Variants in SRA1 observed in about 807,000 individuals in gnomAD.
The protein encoded by SRA1 is lncRNA SRA.
SRA1 carries 25 observed loss-of-function variants against 24.3 expected under a neutral mutation model. That is an observed-to-expected ratio of 1.03 (90% confidence interval 0.75 to 1.43). The LOEUF is 1.43. Among genes scored for constraint, SRA1 ranks in the 40% most tolerant of loss-of-function variants. The pLI, the probability that SRA1 is intolerant of heterozygous loss-of-function variation, is 0.00. For missense variants in SRA1, 303 were observed against 286.6 expected, an observed-to-expected ratio of 1.06 and a Z score of -0.41; for synonymous variants, 104 against 109.5, an observed-to-expected ratio of 0.95 and a Z score of 0.31.
At chr5:140,554,852 A>G (rs1754648869) in intron 2 of SRA1, among the ~76,000 whole-genome samples, 1 of 151,524 alleles carries the variant, frequency 6.6e-6, no homozygotes. Flanking sequence ...TATGATCACG[A>G]GTGACTGCTA....
chr5:140,550,931 G>A lies in SRA1; in HGVS notation c.464-20C>T. On this transcript the variant is annotated intron_variant, in intron 4 of 4. Transcript: ENST00000336283. ...AAAGCTCTGAAGAGAGACGGGGGTT[G>A]AGCAAGCAGCCTGTGGTACAAGAGC... The A allele has an allele frequency of 1.2e-6, 2 of 1,611,360 alleles. No homozygotes were observed. The highest frequency in any genetic ancestry group is 1.7e-6 in the Non-Finnish European group (2 of 1,177,756).
At chr5:140,556,862 CAA>C (rs1332962821) in intron 2 of SRA1, among the ~76,000 whole-genome samples, 1 of 151,730 alleles carries the variant, frequency 6.6e-6, no homozygotes, top group Non-Finnish European at 1.5e-5. Flanking sequence ...TATAGGTTAA[CAA>C]AGAAAAATAA....
chr5:140,551,532 A>AGC (rs1754562036), intron 3 of SRA1: 1 of 224,964 alleles, frequency 4.4e-6, no homozygotes, highest in African/African-American at 2.3e-5. Flanking sequence ...AAGAAAACTA[A>AGC]GCGCCAAAGA....
chr5:140,550,722 G>A lies in SRA1; in HGVS notation c.653C>T (p.Pro218Leu), dbSNP rs76646635. Reference protein sequence around the residue: ...AATAEKNHTIPGFQQAS With the variant: ...AATAEKNHTILGFQQAS The stretch of plus-strand genomic sequence containing the variant: ...GGATTATGAAGCCTGCTGGAAGCCT[G>A]GTATGGTATGGTTCTTCTCAGCTGT... Residue 218 changes from proline to leucine, a missense_variant, in exon 5 of 5, where the codon CCA (proline) becomes CTA (leucine). By Grantham distance (98) the Pro-to-Leu change is moderately conservative. Coordinates refer to ENST00000336283, the MANE Select transcript of SRA1 (RefSeq NM_001035235.4). 1,332 of 1,614,026 alleles carry A rather than the reference G, an allele frequency of 8.3e-4. 5 individuals are homozygous for A. In the African/African-American group the frequency reaches 0.016, roughly 19 times the overall value.
At chr5:140,552,506 A>C (rs952710278) in intron 2 of SRA1, among the ~76,000 whole-genome samples, 1 of 152,094 alleles carries the variant, frequency 6.6e-6, no homozygotes, top group Admixed American at 6.5e-5. Context: ...TACAAAAATT[A>C]GCTGGGCATG....
chr5:140,555,611 C>T lies in SRA1; in HGVS notation c.151+1536G>A, dbSNP rs140496969. On this transcript the variant is annotated intron_variant, in intron 2 of 4. Coordinates refer to ENST00000336283, the MANE Select transcript of SRA1 (RefSeq NM_001035235.4). The stretch of plus-strand genomic sequence containing the variant: ...AACCTTGAAATGCTAGAGTGCCCTA[C>T]GGCTCTGTCCCTGGCCATATTCAAG... Among the ~76,000 whole-genome samples, 696 of 152,258 alleles carry T rather than the reference C, an allele frequency of 4.6e-3. 1 individual carries two copies. Among genetic ancestry groups the T allele is most frequent in the Non-Finnish European group, 7.3e-3 (499 of 68,016 alleles).
At chr5:140,555,433 A>G (rs1379195513) in intron 2 of SRA1, among the ~76,000 whole-genome samples, 1 of 151,978 alleles carries the variant, frequency 6.6e-6, no homozygotes, top group Non-Finnish European at 1.5e-5. Flanking sequence ...GCGTTTCGCC[A>G]TGTTGGCCAG....
At position 140,550,538 on chromosome 5, in the gene SRA1, T is replaced by C; in HGVS notation, c.*162A>G. 1 of 670,730 alleles carries C rather than the reference T, an allele frequency of 1.5e-6. No homozygotes were observed. Among genetic ancestry groups the C allele is most frequent in the Non-Finnish European group, 2.7e-6 (1 of 376,522 alleles). 41.5% of individuals were successfully genotyped at this position (670,730 alleles called of 1,614,324 possible). A position where few individuals can be genotyped will look rare whatever the true frequency, so the allele number is the denominator to read the frequency against. ...GAGATGTTTTTATTGAAATGCATGTTATGAGTAACACATGAACTCCCTCTG... is the reference window on the plus strand; with the variant it reads ...GAGATGTTTTTATTGAAATGCATGTCATGAGTAACACATGAACTCCCTCTG... On this transcript the variant is annotated 3_prime_UTR_variant, in exon 5 of 5. Transcript: ENST00000336283.
intron 2 of SRA1, 136 bp downstream of exon 2, chr5:140,557,011 G>A: frequency 2.7e-6 from 2 of 743,918 alleles, no homozygotes; most frequent in South Asian, 3.5e-5. Context: ...CCTGCTCTGA[G>A]ACCCTTACTG....
At chr5:140,552,767 CA>C (rs1346819126) in intron 2 of SRA1, among the ~76,000 whole-genome samples, 1 of 151,944 alleles carries the variant, frequency 6.6e-6, no homozygotes, top group South Asian at 2.1e-4. Context: ...CTCAGGAGTT[CA>C]AAACCAGCCT....
In SRA1 at chr5:140,552,158, G is replaced by C; in HGVS notation, c.178C>G (p.Pro60Ala). ...RVPASETSPGPPPMGPPPPSS... is the reference protein window; with the variant it reads ...RVPASETSPGAPPMGPPPPSS... Reference sequence around the variant, plus strand: ...GGAGGTGGAGGCCCCATTGGGGGAGGCCCAGGAGAAGTCTCTGATGCGGGG... The same window carrying C: ...GGAGGTGGAGGCCCCATTGGGGGAGCCCCAGGAGAAGTCTCTGATGCGGGG... The change falls in exon 3 of 5, where the codon CCT (proline) becomes GCT (alanine). Residue 60 changes from proline (P) to alanine (A), a missense_variant. Physicochemically the swap from Pro to Ala is conservative, Grantham distance 27. Transcript: ENST00000336283. The C allele has an allele frequency of 6.2e-7, 1 of 1,605,306 alleles. No individual in the cohort carries two copies. Among genetic ancestry groups the C allele is most frequent in the South Asian group, 1.1e-5 (1 of 89,868 alleles).
rs115569414 is a variant in SRA1 at position 140,552,022 on chromosome 5, G to A, written c.314C>T (p.Pro105Leu). 392 of 1,604,598 alleles carry A rather than the reference G, an allele frequency of 2.4e-4. No homozygotes were observed. The African/African-American group carries it at 5.0e-3, about 20-fold the overall frequency. The change falls in exon 3 of 5, where the codon CCT (proline) becomes CTT (leucine). Residue 105 changes from proline (P) to leucine (L), a missense_variant. Pro to Leu is a moderately conservative substitution (Grantham distance 98). Coordinates refer to ENST00000336283, the MANE Select transcript of SRA1 (RefSeq NM_001035235.4). ...GCAGTCTTCCAATGCCTGTTCCAAA[G>A]GTCTCAGCACATCCTCCATCACAGC... ...SEAVMEDVLR[P>L]LEQALEDCRG... is the part of the protein sequence containing the mutation.
At chr5:140,557,919 C>A (rs144403011), upstream of SRA1, 1,137 of 195,384 alleles carry the variant, frequency 5.8e-3, 16 homozygotes, top group African/African-American at 0.025. Context: ...ATGTCTCAGG[C>A]CAGGTTAAGT....
In SRA1 at chr5:140,550,870, G is replaced by C. The variant is rs769561984; in HGVS notation, c.505C>G (p.Arg169Gly). The C allele has an allele frequency of 6.2e-7, 1 of 1,613,974 alleles. No individual in the cohort carries two copies. Among genetic ancestry groups the C allele is most frequent in the Non-Finnish European group, 8.5e-7 (1 of 1,180,024 alleles). ...HRWDAADDIH[R>G]SLMVDHVTEV... is the part of the protein sequence containing the mutation. ...GTCACATGGTCAACCATGAGGGAGC[G>C]GTGGATGTCATCTGCTGCGTCCCAC... The change falls in exon 5 of 5, where the codon CGC (arginine) becomes GGC (glycine). Residue 169 changes from arginine (R) to glycine (G), a missense_variant. Transcript: ENST00000336283.
chr5:140,551,061 C>T lies in SRA1; in HGVS notation c.463G>A (p.Glu155Lys). Residue 155 changes from glutamate (E) to lysine (K), a missense_variant and splice_region_variant, in exon 4 of 5, where the codon GAG becomes AAG. Coordinates refer to ENST00000336283, the MANE Select transcript of SRA1 (RefSeq NM_001035235.4). ...GCTATACCAAAGAACCCACCCATACCTTGCACCAGTAGAGCCATTCTCTTC... is the reference window on the plus strand; with the variant it reads ...GCTATACCAAAGAACCCACCCATACTTTGCACCAGTAGAGCCATTCTCTTC... Reference protein sequence around the residue: ...VKKRMALLVQELSSHRWDAAD... With the variant: ...VKKRMALLVQKLSSHRWDAAD... 1 of 1,612,942 alleles carries T rather than the reference C, an allele frequency of 6.2e-7. No homozygotes were observed. Among genetic ancestry groups the T allele is most frequent in the South Asian group, 1.1e-5 (1 of 91,058 alleles).
intron 2 of SRA1, among the ~76,000 whole-genome samples, chr5:140,552,930 A>G (rs1460918836): frequency 2.6e-5 from 4 of 152,248 alleles, no homozygotes; most frequent in Non-Finnish European, 5.9e-5. Context: ...AGGCAGGGAA[A>G]AAAACACAAA....
chr5:140,557,563 T>C (rs36122605), upstream of SRA1: 9 of 1,275,290 alleles, frequency 7.1e-6, no homozygotes, highest in African/African-American at 8.9e-5. Context: ...CCGTGGAGGA[T>C]GGATGCTGGT....
At chr5:140,551,680 A>T (rs1177708282) in intron 3 of SRA1, 1 of 279,310 alleles carries the variant, frequency 3.6e-6, no homozygotes, top group Non-Finnish European at 6.7e-6. Flanking sequence ...TGAGAATAAA[A>T]TCAGCAGCTT....
rs1034833074 is a variant in SRA1, at chr5:140,550,195, C to T, written c.*505G>A. On this transcript the variant is annotated 3_prime_UTR_variant, in exon 5 of 5. Coordinates refer to ENST00000336283, the MANE Select transcript of SRA1 (RefSeq NM_001035235.4). ...TCTAATCTCTGTAACAGTAGTATCT[C>T]AAGGGTGATACAGTGCAAATAGGAC... 4 of 163,308 alleles carry T rather than the reference C, an allele frequency of 2.4e-5. No individual in the cohort carries two copies. The highest frequency in any genetic ancestry group is 5.4e-5 in the Non-Finnish European group (4 of 74,414). The allele number at this position is 163,308 out of a possible 1,614,324, so 10.1% of individuals were successfully genotyped here.
Sources: gnomAD v4.1 joint callset for allele counts (sites outside exome capture counted in the v4.1 genomes callset) on GRCh38, gnomAD v4.1.1 for gene constraint, MANE v1.5 for transcripts, NCBI Gene and HGNC (gene_info 2026-07-23, HGNC 2026-07-21) for gene names.